The following NOS1AP variants were observed in gnomAD, a reference collection of about 807,000 sequenced individuals.
NOS1AP encodes carboxyl-terminal PDZ ligand of neuronal nitric oxide synthase protein.
Under a neutral mutation model 56.2 loss-of-function variants are expected in NOS1AP, and 21 were observed. The ratio of observed to expected loss-of-function variants is 0.37; its 90% CI spans 0.26 to 0.54. The LOEUF (loss-of-function observed/expected upper bound fraction) is 0.54, where lower values mean the gene tolerates loss of function less well. Among genes scored for constraint, NOS1AP ranks in the 20% least tolerant of loss-of-function variants. The probability of loss-of-function intolerance (pLI) is 0.84; values close to 1 mark genes in which losing one functional copy is unlikely to be tolerated. For synonymous variants in NOS1AP, 270 were observed against 274.6 expected (o/e 0.98, Z 0.17); for missense variants, 522 against 657.8 (o/e 0.79, Z 2.26).
At chr1:162,174,511 T>C (rs1448625141) in intron 2 of NOS1AP, among the ~76,000 whole-genome samples, 8 of 152,070 alleles carry the variant, frequency 5.3e-5, no homozygotes, top group Non-Finnish European at 1.2e-4. Context: ...TATACATATG[T>C]AACAAACCTG....
intron 1 of NOS1AP, among the ~76,000 whole-genome samples, chr1:162,087,339 A>G (rs1020813230): frequency 2.0e-5 from 3 of 152,152 alleles, no homozygotes; most frequent in Non-Finnish European, 2.9e-5. Context: ...GGCAGTCTGA[A>G]TGCATTGGAT....
rs141630488 is a variant in NOS1AP, at chr1:162,322,953, G to T, written c.345-10064G>T. On this transcript the variant is annotated intron_variant, in intron 4 of 9. Coordinates refer to ENST00000361897, the MANE Select transcript of NOS1AP (RefSeq NM_014697.3). ...CAGTTTTCAGAACTTGGTGAAGATT[G>T]CTAGGGTTCCAATTCTAATGCAGAT... is the stretch of plus-strand genomic sequence containing the variant. Among the ~76,000 whole-genome samples, 181 of 152,342 alleles carry T rather than the reference G, an allele frequency of 1.2e-3. 1 individual carries two copies. Among genetic ancestry groups the T allele is most frequent in the African/African-American group, 4.1e-3 (172 of 41,580 alleles).
At chr1:162,365,059 CGTGT>C (rs1438406429) in intron 8 of NOS1AP, 9 of 1,201,768 alleles carry the variant, frequency 7.5e-6, no homozygotes, top group African/African-American at 1.7e-5. Flanking sequence ...GAGCACCGTG[CGTGT>C]GTGTGTGTAT....
At chr1:162,216,155 C>T (rs1199519364) in intron 2 of NOS1AP, among the ~76,000 whole-genome samples, 3 of 152,210 alleles carry the variant, frequency 2.0e-5, no homozygotes, top group Admixed American at 6.5e-5. Context: ...ATTTGCATTC[C>T]TTTGCCTTCT....
At chr1:162,105,548 C>A (rs572747880) in intron 1 of NOS1AP, among the ~76,000 whole-genome samples, 4 of 152,190 alleles carry the variant, frequency 2.6e-5, no homozygotes. Flanking sequence ...CGCCTCTCCC[C>A]CTGGGAGCTT....
intron 1 of NOS1AP, among the ~76,000 whole-genome samples, chr1:162,115,143 G>T (rs928688549): frequency 6.6e-6 from 1 of 152,216 alleles, no homozygotes; most frequent in African/African-American, 2.4e-5. Flanking sequence ...AGACAGACAG[G>T]ATCCCTCCTC....
chr1:162,077,037 C>T (rs1453824655), intron 1 of NOS1AP, among the ~76,000 whole-genome samples: 1 of 152,136 alleles, frequency 6.6e-6, no homozygotes, highest in Non-Finnish European at 1.5e-5. Flanking sequence ...AAAAATAATG[C>T]TATAAACATT....
chr1:162,352,514 T>A (rs924348022), intron 6 of NOS1AP, among the ~76,000 whole-genome samples: 6 of 152,080 alleles, frequency 3.9e-5, no homozygotes, highest in Admixed American at 3.9e-4. Flanking sequence ...ACTATAGTAA[T>A]CTACACAGCC....
chr1:162,351,121 A>G (rs1382232618), intron 6 of NOS1AP, among the ~76,000 whole-genome samples: 2 of 152,240 alleles, frequency 1.3e-5, no homozygotes, highest in Non-Finnish European at 2.9e-5. Flanking sequence ...TCTCATATAT[A>G]TGCAAATAGG....
At chr1:162,287,242 C>G in intron 2 of NOS1AP, 102 bp from the exon 3 acceptor site, 1 of 809,496 alleles carries the variant, frequency 1.2e-6, no homozygotes, top group Non-Finnish European at 2.2e-6. Context: ...ATTCCCCACA[C>G]CTGTCTGGGG....
At chr1:162,180,539 C>T (rs866582894) in intron 2 of NOS1AP, among the ~76,000 whole-genome samples, 1 of 152,188 alleles carries the variant, frequency 6.6e-6, no homozygotes, top group African/African-American at 2.4e-5. Flanking sequence ...CCACCGCGCC[C>T]GGCCAATGTG....
intron 6 of NOS1AP, among the ~76,000 whole-genome samples, chr1:162,351,741 C>T (rs898916200): frequency 1.3e-5 from 2 of 152,220 alleles, no homozygotes; most frequent in African/African-American, 4.8e-5. Context: ...CTCCCCCCGA[C>T]CTACGACCTT....
At chr1:162,327,717 G>T (rs538491657) in intron 4 of NOS1AP, among the ~76,000 whole-genome samples, 1 of 152,298 alleles carries the variant, frequency 6.6e-6, no homozygotes, top group South Asian at 2.1e-4. Flanking sequence ...CATGATCAGA[G>T]ATGCTTTGCT....
rs557948650 is a variant in NOS1AP, at chr1:162,239,692, C to T, written c.178-47652C>T. ...CCTGGGGATGTACCTGGAGGAGTCA[C>T]ATATCACCAGCTAAGACAGATGGGC... On this transcript the variant is annotated intron_variant, in intron 2 of 9. Transcript: ENST00000361897. 4.1e-4 allele frequency among the ~76,000 whole-genome samples: 62 copies of T among 152,206 alleles called. 1 individual carries two copies. The highest frequency in any genetic ancestry group is 7.4e-4 in the Non-Finnish European group (50 of 68,022).
At chr1:162,357,177 C>G in intron 8 of NOS1AP, 41 bp downstream of exon 8, 1 of 1,591,926 alleles carries the variant, frequency 6.3e-7, no homozygotes, top group Non-Finnish European at 8.5e-7. Flanking sequence ...GCTCCACTCT[C>G]ATGGGCTTGA....
intron 2 of NOS1AP, among the ~76,000 whole-genome samples, chr1:162,240,680 C>T (rs1171581666): frequency 6.6e-6 from 1 of 152,220 alleles, no homozygotes; most frequent in Non-Finnish European, 1.5e-5. Flanking sequence ...TGCACAGGTA[C>T]ACTGTGGAAT....
rs78516997 is a variant in NOS1AP, at chr1:162,090,039, A to G, written c.105+19757A>G. Among the ~76,000 whole-genome samples, 205 of 152,278 alleles carry G rather than the reference A, an allele frequency of 1.3e-3. 3 individuals are homozygous for G. The East Asian group carries it at 0.035, about 26-fold the overall frequency. On this transcript the variant is annotated intron_variant, in intron 1 of 9. Coordinates refer to ENST00000361897, the MANE Select transcript of NOS1AP (RefSeq NM_014697.3). ...TTTAGTTTTTAGTTCTTCAATAATT[A>G]CATATTTAATACTTACTACCAAAAC... is the stretch of plus-strand genomic sequence containing the variant.
intron 6 of NOS1AP, among the ~76,000 whole-genome samples, chr1:162,346,706 A>T (rs545180783): frequency 1.9e-4 from 29 of 152,356 alleles, no homozygotes; most frequent in South Asian, 1.2e-3. Flanking sequence ...GATATATATT[A>T]GTTATAAATC....
At chr1:162,297,112 G>A (rs910416792) in intron 3 of NOS1AP, among the ~76,000 whole-genome samples, 4 of 152,174 alleles carry the variant, frequency 2.6e-5, no homozygotes, top group African/African-American at 9.7e-5. Context: ...TTCCTCAGAT[G>A]CATGCAGCAT....
Sources: allele counts gnomAD v4.1 joint callset (sites outside exome capture counted in the v4.1 genomes callset), GRCh38; gene constraint gnomAD v4.1.1; transcripts MANE v1.5; gene names NCBI Gene and HGNC (gene_info 2026-07-23, HGNC 2026-07-21).